Variants in ECSIT observed in about 807,000 individuals in gnomAD.
The protein encoded by ECSIT is evolutionarily conserved signaling intermediate in Toll pathway, mitochondrial.
ECSIT carries 29 observed loss-of-function variants against 36.8 expected under a neutral mutation model. The ratio of observed to expected loss-of-function variants is 0.79; its 90% CI spans 0.59 to 1.08. ECSIT has a LOEUF of 1.08. ECSIT is among the 50% of genes least tolerant of loss of function. The pLI, the probability that ECSIT is intolerant of heterozygous loss-of-function variation, is 0.00. For synonymous variants in ECSIT, 231 were observed against 234.8 expected (o/e 0.98, Z 0.15); for missense variants, 542 against 581.0 (o/e 0.93, Z 0.69).
rs770450369 is a variant in ECSIT, at chr19:11,507,997, T to C, written c.790A>G (p.Ile264Val). 10 of 1,614,082 alleles carry C rather than the reference T, an allele frequency of 6.2e-6. No individual in the cohort carries two copies. The highest frequency in any genetic ancestry group is 2.2e-5 in the South Asian group (2 of 91,082). The change falls in exon 5 of 8, where the codon ATC (isoleucine) becomes GTC (valine). Residue 264 changes from isoleucine to valine, a missense_variant. Transcript: ENST00000270517. ...TGAADPPQPH[I>V]VGIQSPDQQA... is the part of the protein sequence containing the mutation. Reference sequence around the variant, plus strand: ...CCCATGCTCTCGGACTTACCTACGATGTGGGGCTGGGGGGGATCTGCTGCA... The same window carrying C: ...CCCATGCTCTCGGACTTACCTACGACGTGGGGCTGGGGGGGATCTGCTGCA...
At chr19:11,521,455 AT>A (rs143007908) in intron 1 of ECSIT, among the ~76,000 whole-genome samples, 19,829 of 140,472 alleles carry the variant, frequency 0.14, 2,294 homozygotes, top group African/African-American at 0.33. Flanking sequence ...TTATACGTGG[AT>A]TTTTTTTTTT....
intron 4 of ECSIT, among the ~76,000 whole-genome samples, chr19:11,510,992 C>T (rs746084454): frequency 5.3e-5 from 8 of 151,628 alleles, no homozygotes; most frequent in Non-Finnish European, 1.0e-4. Context: ...AGATCAAGCT[C>T]TTTAATCAGG....
intron 2 of ECSIT, among the ~76,000 whole-genome samples, chr19:11,514,435 C>T (rs947133144): frequency 4.6e-5 from 7 of 151,898 alleles, no homozygotes; most frequent in Admixed American, 2.0e-4. Flanking sequence ...TTAGCCATGG[C>T]TACGGGGAGC....
In ECSIT at chr19:11,507,497, C is replaced by G; in HGVS notation, c.1011G>C (p.Val337=). Residue 337 remains valine, a synonymous_variant, in exon 7 of 8, where the codon GTG becomes GTC. Transcript: ENST00000270517. ...ACTCGTAGTTGTCCCAGCCACTCCT[C>G]ACATACTCCAGGTCCAGCTGCATCG... ...YYPMQLDLEY[V]RSGWDNYEFD... 1 of 1,614,072 alleles carries G rather than the reference C, an allele frequency of 6.2e-7. No homozygotes were observed. The highest frequency in any genetic ancestry group is 8.5e-7 in the Non-Finnish European group (1 of 1,180,010).
rs537928683 is a variant in ECSIT at position 11,513,860 on chromosome 19, T to C, written c.458A>G (p.His153Arg). The C allele has an allele frequency of 6.4e-5, 104 of 1,614,070 alleles. No homozygotes were observed. In the South Asian group the frequency reaches 1.1e-3, roughly 17 times the overall value. ...CCCACACTCCTGCTGCCGAGGGTAG[T>C]GGACGAAGATGCGCTGGATGATGTT... ...PRNIIQRIFVHYPRQQECGIA... is the reference protein window; with the variant it reads ...PRNIIQRIFVRYPRQQECGIA... The change falls in exon 3 of 8, where the codon CAC becomes CGC. Residue 153 changes from histidine (H) to arginine (R), a missense_variant. His to Arg is a conservative substitution (Grantham distance 29). Transcript: ENST00000270517.
At position 11,513,982 on chromosome 19, in the gene ECSIT, C is replaced by A. The variant is rs2144978944; in HGVS notation, c.336G>T (p.Leu112=). The A allele has an allele frequency of 6.2e-7, 1 of 1,614,258 alleles. No homozygotes were observed. Among genetic ancestry groups the A allele is most frequent in the East Asian group, 2.2e-5 (1 of 44,884 alleles). Residue 112 remains leucine (L), a synonymous_variant, in exon 3 of 8, where the codon CTG becomes CTT. Transcript: ENST00000270517. The stretch of plus-strand genomic sequence containing the variant: ...CATACTCCCGCATCTTGCGCAGGGC[C>A]AGGTAGATGAAGTCAATGTGGCCCC... ...RKRGHIDFIY[L]ALRKMREYGV...
At chr19:11,526,205 C>T (rs946800176) in intron 1 of ECSIT, among the ~76,000 whole-genome samples, 8 of 152,086 alleles carry the variant, frequency 5.3e-5, no homozygotes, top group Non-Finnish European at 1.0e-4. Flanking sequence ...CCTTGTGATC[C>T]ACCTGCCTTG....
chr19:11,512,656 C>A (rs1271952147), intron 4 of ECSIT, among the ~76,000 whole-genome samples: 3 of 151,986 alleles, frequency 2.0e-5, no homozygotes, highest in Non-Finnish European at 4.4e-5. Flanking sequence ...AATTCACGGC[C>A]AGGCACAGTG....
Position 11,519,058 on chromosome 19 carries a change from G to A in ECSIT, c.96+17C>T. The A allele has an allele frequency of 1.3e-6, 2 of 1,548,290 alleles. No individual in the cohort carries two copies. The highest frequency in any genetic ancestry group is 1.7e-6 in the Non-Finnish European group (2 of 1,143,958). On this transcript the variant is annotated intron_variant, in intron 2 of 7. Coordinates refer to ENST00000270517, the MANE Select transcript of ECSIT (RefSeq NM_016581.5). The surrounding 1 kb of genome is among the most constrained non-coding windows in gnomAD (Gnocchi z 4.4). ...CTTACCTCCCTCTACCCAAAAGACTGCCTGGCTGGTGCTTACCTGAGAGAT... is the reference window on the plus strand; with the variant it reads ...CTTACCTCCCTCTACCCAAAAGACTACCTGGCTGGTGCTTACCTGAGAGAT...
chr19:11,523,533 G>T, intron 1 of ECSIT: 1 of 1,087,298 alleles, frequency 9.2e-7, no homozygotes, highest in South Asian at 1.3e-5. Context: ...GGCCTAGCAC[G>T]TGGAATCTGT....
intron 1 of ECSIT, among the ~76,000 whole-genome samples, chr19:11,524,382 C>T (rs756090814): frequency 2.6e-5 from 4 of 151,976 alleles, no homozygotes; most frequent in South Asian, 4.1e-4. Flanking sequence ...ATTAGCTGGG[C>T]GTGGTGGCAG....
intron 4 of ECSIT, among the ~76,000 whole-genome samples, chr19:11,509,380 T>C (rs1971824474): frequency 8.6e-6 from 1 of 116,916 alleles, no homozygotes; most frequent in African/African-American, 4.5e-5. Flanking sequence ...GCTGACAAAG[T>C]TTTTTTTTTT....
chr19:11,506,190 C>T lies in ECSIT; in HGVS notation c.1290G>A (p.Gln430=). ...DDNLQRQQQG[Q]S is the part of the protein sequence containing the mutation. ...GCCCTCGCGCCGGCTCAGACTAGCT[C>T]TGGCCCTGCTGCTGTCGCTGCAGGT... The change falls in exon 8 of 8, where the codon CAG becomes CAA. Residue 430 remains glutamine, a synonymous_variant. Coordinates refer to ENST00000270517, the MANE Select transcript of ECSIT (RefSeq NM_016581.5). The T allele has an allele frequency of 6.2e-7, 1 of 1,605,234 alleles. No homozygotes were observed. Among genetic ancestry groups the T allele is most frequent in the Non-Finnish European group, 8.5e-7 (1 of 1,179,924 alleles).
chr19:11,524,774 T>C (rs970258850), intron 1 of ECSIT, among the ~76,000 whole-genome samples: 4 of 152,032 alleles, frequency 2.6e-5, no homozygotes, highest in Non-Finnish European at 5.9e-5. Flanking sequence ...ATATGAGCTA[T>C]GATTGTGCTA....
At chr19:11,517,864 A>G (rs957141934) in intron 2 of ECSIT, among the ~76,000 whole-genome samples, 1 of 152,114 alleles carries the variant, frequency 6.6e-6, no homozygotes, top group African/African-American at 2.4e-5. Flanking sequence ...TGGGTATAGG[A>G]AAGAAATTCA....
Position 11,506,438 on chromosome 19 carries a change from GA to G in ECSIT, c.1052-11del. The G allele has an allele frequency of 6.2e-7, 1 of 1,606,964 alleles. No homozygotes were observed. The highest frequency in any genetic ancestry group is 8.5e-7 in the Non-Finnish European group (1 of 1,175,400). ...ACAGGGCCTTCCTCCACTGTTGGAA[GA>G]CATGCACCCTTAAGGTTTGCACAGT... On this transcript the variant is annotated splice_polypyrimidine_tract_variant and intron_variant, in intron 7 of 7. Coordinates refer to ENST00000270517, the MANE Select transcript of ECSIT (RefSeq NM_016581.5).
intron 4 of ECSIT, among the ~76,000 whole-genome samples, chr19:11,509,157 C>G (rs187962746): frequency 2.6e-5 from 4 of 151,080 alleles, no homozygotes; most frequent in African/African-American, 7.3e-5. Context: ...ACCGCAACCT[C>G]CACCTCCTGG....
intron 1 of ECSIT, chr19:11,522,445 C>A: frequency 1.4e-6 from 2 of 1,457,406 alleles, no homozygotes; most frequent in South Asian, 1.2e-5. Context: ...CCAGGTCCTG[C>A]GCCATCAGCA....
At chr19:11,517,709 A>G (rs1249085595) in intron 2 of ECSIT, among the ~76,000 whole-genome samples, 1 of 152,152 alleles carries the variant, frequency 6.6e-6, no homozygotes, top group Admixed American at 6.6e-5. Flanking sequence ...CGAGGGGGAA[A>G]CACTGCAAAG....
Sources: gnomAD v4.1 joint callset for allele counts (sites outside exome capture counted in the v4.1 genomes callset) on GRCh38, gnomAD v4.1.1 for gene constraint, Gnocchi (gnomAD v3.1) non-coding constraint, MANE v1.5 for transcripts, NCBI Gene and HGNC (gene_info 2026-07-23, HGNC 2026-07-21) for gene names.